TASOR2: variants seen among roughly 807,000 people sequenced by gnomAD.
The protein encoded by TASOR2 is transcription activation suppressor family member 2.
A neutral mutation model predicts 199.5 loss-of-function variants in TASOR2; 84 were observed. The ratio of observed to expected loss-of-function variants is 0.42; its 90% CI spans 0.35 to 0.50. The LOEUF is 0.50. Among genes scored for constraint, TASOR2 ranks in the 20% least tolerant of loss-of-function variants. TASOR2 has a pLI of 0.02. For synonymous variants in TASOR2, 1,103 were observed against 1,046.6 expected (o/e 1.05, Z -1.04); for missense variants, 2,796 against 2,835.9 (o/e 0.99, Z 0.32).
chr10:5,739,751 C>G, exon 13 of TASOR2: 1 of 1,614,198 alleles, frequency 6.2e-7, no homozygotes, highest in South Asian at 1.1e-5. Flanking sequence ...ACTCCATCGT[C>G]AACTATGACT....
At chr10:5,703,651 C>G (rs1411797118) in intron 1 of TASOR2, among the ~76,000 whole-genome samples, 1 of 151,440 alleles carries the variant, frequency 6.6e-6, no homozygotes, top group African/African-American at 2.4e-5. Context: ...CTACAGGCGC[C>G]CGCCACCACG....
In TASOR2 at chr10:5,750,068, G is replaced by A. The variant is rs778738567; in HGVS notation, c.6606+41G>A. 6.6e-7 allele frequency: 1 copy of A among 1,521,034 alleles called. No individual in the cohort carries two copies. The highest frequency in any genetic ancestry group is 1.4e-5 in the African/African-American group (1 of 71,840). 94.2% of individuals were successfully genotyped at this position (1,521,034 alleles called of 1,614,324 possible). A position where few individuals can be genotyped will look rare whatever the true frequency, so the allele number is the denominator to read the frequency against. ...CGTCTTACGTATTATTTTAATTGCT[G>A]ATTTTAGTTTTAGAAATAATAAATT... On this transcript the variant is annotated intron_variant, in intron 15 of 20. Transcript: ENST00000328090. This position sits in a 1 kb window ranked among gnomAD's most constrained non-coding sequence, Gnocchi z 5.4.
intron 12 of TASOR2, among the ~76,000 whole-genome samples, chr10:5,739,246 G>A (rs1294368869): frequency 6.6e-6 from 1 of 151,982 alleles, no homozygotes; most frequent in Admixed American, 6.6e-5. Flanking sequence ...TCTTTTTTGG[G>A]TTTTTTTGTT....
Position 5,747,687 on chromosome 10 carries a change from A to G in TASOR2, c.4266A>G (p.Pro1422=), listed in dbSNP as rs767486270. 1.2e-5 allele frequency: 19 copies of G among 1,614,108 alleles called. 1 individual carries two copies. The South Asian group carries it at 1.8e-4, about 15-fold the overall frequency. The stretch of plus-strand genomic sequence containing the variant: ...CACGACCATATCAGGCTGTGACTCC[A>G]TGCATTTTAAAACTTCATGGTACAC... The change falls in exon 15 of 21, where the codon CCA becomes CCG. Residue 1422 remains proline, a synonymous_variant. Transcript: ENST00000328090.
chr10:5,746,221 A>G (rs761436685), exon 15 of TASOR2: 12 of 1,609,300 alleles, frequency 7.5e-6, no homozygotes, highest in Non-Finnish European at 1.0e-5. Context: ...GGAGACTTCT[A>G]ATCTTGTGCT....
chr10:5,739,497 A>G lies in TASOR2; in HGVS notation c.1448-121A>G, dbSNP rs1002085175. 4.6e-5 allele frequency: 41 copies of G among 894,736 alleles called. No homozygotes were observed. The African/African-American group carries it at 5.9e-4, about 13-fold the overall frequency. 55.4% of individuals were successfully genotyped at this position (894,736 alleles called of 1,614,324 possible). ...CCTTAATCTAATAGAAAATTTTAAT[A>G]TGCAATATATGTTACATAAGTTTTT... On this transcript the variant is annotated intron_variant, in intron 12 of 20. Transcript: ENST00000328090.
intron 6 of TASOR2, among the ~76,000 whole-genome samples, chr10:5,721,656 C>G (rs1382370130): frequency 6.6e-6 from 1 of 151,940 alleles, no homozygotes; most frequent in Non-Finnish European, 1.5e-5. Context: ...TAGAGTGCAA[C>G]TAATAAATGT....
intron 16 of TASOR2, 63 bp from the exon 18 acceptor site, chr10:5,757,457 G>A (rs1433429162): frequency 1.7e-5 from 25 of 1,477,628 alleles, no homozygotes; most frequent in Non-Finnish European, 2.1e-5. Flanking sequence ...AAAAGCAAGG[G>A]AGTGTCTAAG....
chr10:5,702,750 A>G (rs1260816289), intron 1 of TASOR2, among the ~76,000 whole-genome samples: 4 of 151,382 alleles, frequency 2.6e-5, no homozygotes, highest in South Asian at 4.2e-4. Flanking sequence ...CGTAGAATAC[A>G]TAATTTAAAG....
chr10:5,762,767 T>G, intron 20 of TASOR2, 121 bp downstream of exon 21: 1 of 700,478 alleles, frequency 1.4e-6, no homozygotes, highest in East Asian at 2.8e-5. Flanking sequence ...TGCTATAAAT[T>G]TAAAGTGTTT....
chr10:5,716,014 A>G (rs1438125568), intron 2 of TASOR2, among the ~76,000 whole-genome samples: 1 of 152,180 alleles, frequency 6.6e-6, no homozygotes, highest in Non-Finnish European at 1.5e-5. Context: ...CTACACACCT[A>G]GGCTGTATGG....
intron 11 of TASOR2, among the ~76,000 whole-genome samples, chr10:5,733,415 C>T (rs1376905689): frequency 2.0e-5 from 3 of 152,034 alleles, no homozygotes; most frequent in African/African-American, 4.8e-5. Flanking sequence ...GGCTGAGACA[C>T]GAGAATCTCT....
chr10:5,736,718 A>C (rs138696511), intron 12 of TASOR2, among the ~76,000 whole-genome samples: 1 of 152,176 alleles, frequency 6.6e-6, no homozygotes, highest in Non-Finnish European at 1.5e-5. Context: ...TTGTCACCTT[A>C]GTGAGACAAA....
At chr10:5,725,169 G>A (rs572785305) in intron 8 of TASOR2, among the ~76,000 whole-genome samples, 1 of 152,140 alleles carries the variant, frequency 6.6e-6, no homozygotes, top group East Asian at 1.9e-4. Flanking sequence ...GGAGACCAAG[G>A]CGGGCGGATC....
At chr10:5,707,444 A>T (rs537196272) in intron 1 of TASOR2, among the ~76,000 whole-genome samples, 2 of 152,110 alleles carry the variant, frequency 1.3e-5, no homozygotes, top group African/African-American at 2.4e-5. Context: ...CTTGGTTGCA[A>T]GGAGATCCAG....
exon 21 of TASOR2, chr10:5,763,038 C>A (rs1321367754): frequency 6.2e-7 from 1 of 1,611,710 alleles, no homozygotes; most frequent in Non-Finnish European, 8.5e-7. Flanking sequence ...GGTGACTCAA[C>A]TACAGCCTGC....
At chr10:5,736,956 G>GTTGTT (rs368624687) in intron 12 of TASOR2, among the ~76,000 whole-genome samples, 2,620 of 152,080 alleles carry the variant, frequency 0.017, 40 homozygotes, top group African/African-American at 0.038. Flanking sequence ...AAATTGGATT[G>GTTGTT]TTGTTTTGTT....
chr10:5,704,043 G>A (rs991995551), intron 1 of TASOR2, among the ~76,000 whole-genome samples: 2 of 151,762 alleles, frequency 1.3e-5, no homozygotes, highest in East Asian at 3.9e-4. Context: ...GGCCAAGATG[G>A]TGAAACCCCA....
chr10:5,754,075 C>T lies in TASOR2; in HGVS notation c.6607-2538C>T, dbSNP rs974105457. ...ATCCCAGCACTTTGGGAGGCCGAGG[C>T]AGGTGGATCACCTGAAGTCAGGAGT... On this transcript the variant is annotated intron_variant, in intron 15 of 20. Transcript: ENST00000328090. The surrounding 1 kb of genome is among the most constrained non-coding windows in gnomAD (Gnocchi z 4.3). Among the ~76,000 whole-genome samples, 3 of 151,998 alleles carry T rather than the reference C, an allele frequency of 2.0e-5. No individual in the cohort carries two copies. Among genetic ancestry groups the T allele is most frequent in the Non-Finnish European group, 2.9e-5 (2 of 67,984 alleles).
Sources: gnomAD v4.1 joint callset for allele counts (sites outside exome capture counted in the v4.1 genomes callset) on GRCh38, gnomAD v4.1.1 for gene constraint, Gnocchi (gnomAD v3.1) non-coding constraint, MANE v1.5 for transcripts, NCBI Gene and HGNC (gene_info 2026-07-23, HGNC 2026-07-21) for gene names.